Variants in MCF2L observed in about 807,000 individuals in gnomAD.
MCF2L encodes guanine nucleotide exchange factor DBS.
Under a neutral mutation model 153.4 loss-of-function variants are expected in MCF2L, and 97 were observed. The ratio of observed to expected loss-of-function variants is 0.63; its 90% CI spans 0.54 to 0.75. The LOEUF (loss-of-function observed/expected upper bound fraction) is 0.75. Among genes scored for constraint, MCF2L ranks in the 30% least tolerant of loss-of-function variants. MCF2L has a pLI of 0.00. For synonymous variants in MCF2L, 659 were observed against 632.2 expected (o/e 1.04, Z -0.64); for missense variants, 1,347 against 1,495.2 (o/e 0.90, Z 1.64).
chr13:113,096,698 C>T (rs1013640323), intron 29 of MCF2L, 45 bp downstream of exon 29: 4 of 1,556,774 alleles, frequency 2.6e-6, no homozygotes, highest in Non-Finnish European at 3.5e-6. Context: ...CTGCCAAGGG[C>T]CCGGGCGAGG....
intron 21 of MCF2L, among the ~76,000 whole-genome samples, chr13:113,086,916 C>T (rs1015605016): frequency 6.6e-6 from 1 of 152,164 alleles, no homozygotes; most frequent in African/African-American, 2.4e-5. Flanking sequence ...GAGGGCCGTT[C>T]CCCTTGGAGC....
At position 113,096,632 on chromosome 13, in the gene MCF2L, G is replaced by A. The variant is rs2035687401; in HGVS notation, c.3271G>A (p.Ala1091Thr). The change falls in exon 29 of 30, where the codon GCC becomes ACC. Residue 1091 changes from alanine to threonine, a missense_variant. Ala to Thr is a moderately conservative substitution (Grantham distance 58, BLOSUM62 0). Around this residue, in one of 3 missense-constraint regions of MCF2L, gnomAD observed 383 missense variants for 335.4 expected, o/e 1.14. Transcript: ENST00000535094. Reference sequence around the variant, plus strand: ...CGTCCGGCTCGGCCCGTCCGGCTCGGCCCAGTGCCTGAGCAGCTCAGGTAA... The same window carrying A: ...CGTCCGGCTCGGCCCGTCCGGCTCGACCCAGTGCCTGAGCAGCTCAGGTAA... Reference protein sequence around the residue: ...LSVRLGPSGSAQCLSSSESSP... With the variant: ...LSVRLGPSGSTQCLSSSESSP... 1.3e-6 allele frequency: 2 copies of A among 1,591,234 alleles called. No individual in the cohort carries two copies. Among genetic ancestry groups the A allele is most frequent in the Non-Finnish European group, 1.7e-6 (2 of 1,174,942 alleles).
chr13:112,937,612 T>C (rs1356330081), intron 2 of MCF2L, among the ~76,000 whole-genome samples: 1 of 152,234 alleles, frequency 6.6e-6, no homozygotes, highest in Non-Finnish European at 1.5e-5. Context: ...TGATGGGTCC[T>C]GCCCAGGTCC....
At chr13:113,004,087 C>T (rs1475816215) in intron 1 of MCF2L, among the ~76,000 whole-genome samples, 1 of 152,226 alleles carries the variant, frequency 6.6e-6, no homozygotes, top group Non-Finnish European at 1.5e-5. Context: ...TCCAGGCAGA[C>T]CAGGCTGTGG....
In MCF2L at chr13:113,075,049, G is replaced by A. The variant is rs745990182; in HGVS notation, c.1168G>A (p.Gly390Arg). Residue 390 changes from glycine to arginine, a missense_variant, in exon 11 of 30, where the codon GGG becomes AGG. This residue lies in a region of MCF2L where 820 missense variants were observed against 921.2 expected (regional missense o/e 0.89). Coordinates refer to ENST00000535094, the MANE Select transcript of MCF2L (RefSeq NM_001112732.3). The part of the protein sequence containing the change: ...ALSLDGEQLI[G>R]NKHYAVDSIR... ...GTCTCTGGACGGCGAGCAGCTCATT[G>A]GGAACAAGCACTACGCGGTAGACTC... 13 of 1,612,988 alleles carry A rather than the reference G, an allele frequency of 8.1e-6. No homozygotes were observed. In the East Asian group the frequency reaches 1.1e-4, roughly 14 times the overall value.
Position 113,074,597 on chromosome 13 carries a change from G to A in MCF2L, c.1116+34G>A. 6.2e-7 allele frequency: 1 copy of A among 1,608,738 alleles called. No individual in the cohort carries two copies. The highest frequency in any genetic ancestry group is 1.1e-5 in the South Asian group (1 of 90,982). On this transcript the variant is annotated intron_variant, in intron 10 of 29. Coordinates refer to ENST00000535094, the MANE Select transcript of MCF2L (RefSeq NM_001112732.3). The surrounding 1 kb of genome is among the most constrained non-coding windows in gnomAD (Gnocchi z 4.2). ...GGGTCCCGGCGGGGGCGGCGGGAGA[G>A]TGTGGGCAGCATCATCAAGTGCTGC...
At chr13:113,051,262 C>A (rs916052668) in intron 4 of MCF2L, among the ~76,000 whole-genome samples, 1 of 152,018 alleles carries the variant, frequency 6.6e-6, no homozygotes, top group African/African-American at 2.4e-5. Context: ...ACGAGGGAAG[C>A]TGCCGATGGG....
Position 113,024,731 on chromosome 13 carries a change from T to A in MCF2L, c.251T>A (p.Val84Asp). 4 of 1,614,200 alleles carry A rather than the reference T, an allele frequency of 2.5e-6. No homozygotes were observed. Among genetic ancestry groups the A allele is most frequent in the Non-Finnish European group, 3.4e-6 (4 of 1,180,008 alleles). Residue 84 changes from valine (V) to aspartate (D), a missense_variant, in exon 3 of 30, where the codon GTC becomes GAC. This residue lies in a region of MCF2L where 820 missense variants were observed against 921.2 expected (regional missense o/e 0.89). Transcript: ENST00000535094. Reference protein sequence around the residue: ...SEIPDKEFQNVMTYLTSIPSL... With the variant: ...SEIPDKEFQNDMTYLTSIPSL... ...ATTCCGGACAAGGAGTTCCAGAATG[T>A]CATGACCTACCTCACCAGCATCCCC...
chr13:112,968,641 G>A, upstream of MCF2L: 1 of 1,526,020 alleles, frequency 6.6e-7, no homozygotes, highest in Non-Finnish European at 8.8e-7. Flanking sequence ...CGGGTGGCAT[G>A]CGGCCACACG....
At chr13:113,015,548 C>T (rs2084456173) in intron 2 of MCF2L, among the ~76,000 whole-genome samples, 1 of 152,178 alleles carries the variant, frequency 6.6e-6, no homozygotes, top group Non-Finnish European at 1.5e-5. Context: ...GCCTCTGCCC[C>T]TCTGCATTCC....
At chr13:113,042,972 T>A (rs142495606) in intron 3 of MCF2L, 1 of 152,370 alleles carries the variant, frequency 6.6e-6, no homozygotes, top group Non-Finnish European at 1.5e-5. Flanking sequence ...TCAGGCTTTG[T>A]TGTTCTGCAA....
chr13:112,915,225 C>A (rs112498175), intron 2 of MCF2L, among the ~76,000 whole-genome samples: 2 of 151,626 alleles, frequency 1.3e-5, no homozygotes, highest in African/African-American at 4.9e-5. Context: ...CTGGCTAACA[C>A]GGTGAAATCC....
intron 2 of MCF2L, chr13:112,917,557 A>C (rs1175753717): frequency 4.7e-6 from 1 of 212,154 alleles, no homozygotes; most frequent in Non-Finnish European, 9.6e-6. Flanking sequence ...TGAAATCCTC[A>C]GTTCAGCAGG....
intron 8 of MCF2L, among the ~76,000 whole-genome samples, chr13:113,067,255 C>T (rs1313255957): frequency 6.6e-6 from 1 of 150,766 alleles, no homozygotes; most frequent in African/African-American, 2.4e-5. Flanking sequence ...GGGTGGTGCA[C>T]AGCTGGAGTC....
intron 8 of MCF2L, among the ~76,000 whole-genome samples, chr13:113,066,703 G>A (rs1380920983): frequency 9.4e-5 from 7 of 74,786 alleles, no homozygotes; most frequent in African/African-American, 3.7e-4. Context: ...CTCACCCCCC[G>A]AGAACTCCCC....
intron 20 of MCF2L, among the ~76,000 whole-genome samples, chr13:113,085,872 C>T (rs1197757657): frequency 4.9e-5 from 7 of 143,758 alleles, no homozygotes; most frequent in African/African-American, 1.5e-4. Context: ...GGGGTTTGCA[C>T]CTGGCATCCG....
intron 2 of MCF2L, among the ~76,000 whole-genome samples, chr13:112,963,392 C>T (rs906780108): frequency 3.3e-5 from 5 of 152,318 alleles, no homozygotes; most frequent in African/African-American, 9.6e-5. Context: ...ACTGAGCCTC[C>T]GCAGCTCCTC....
intron 3 of MCF2L, chr13:113,033,863 C>G (rs2085961150): frequency 6.0e-6 from 1 of 167,218 alleles, no homozygotes; most frequent in Non-Finnish European, 1.5e-5. Flanking sequence ...TTTCCCGTCT[C>G]CACATCAGCA....
intron 2 of MCF2L, among the ~76,000 whole-genome samples, chr13:112,948,886 T>C (rs1057474100): frequency 1.3e-5 from 2 of 152,140 alleles, no homozygotes; most frequent in Non-Finnish European, 1.5e-5. Flanking sequence ...ACCAATATGG[T>C]GAAACCCCGT....
Sources: gnomAD v4.1 joint callset for allele counts (sites outside exome capture counted in the v4.1 genomes callset) on GRCh38, gnomAD v4.1.1 for gene constraint, gnomAD v4.1.1 regional missense constraint, Gnocchi (gnomAD v3.1) non-coding constraint, MANE v1.5 for transcripts, NCBI Gene and HGNC (gene_info 2026-07-23, HGNC 2026-07-21) for gene names.